The following SGCD variants were observed in gnomAD, a reference collection of about 807,000 sequenced individuals.
SGCD encodes sarcoglycan delta.
In SGCD, 18 loss-of-function variants were observed where a neutral mutation model predicts 36.6. The ratio of observed to expected loss-of-function variants is 0.49; its 90% confidence interval spans 0.34 to 0.73. The LOEUF is 0.73. Among genes scored for constraint, SGCD ranks in the 30% least tolerant of loss-of-function variants. SGCD has a pLI of 0.01. For synonymous variants in SGCD, 133 were observed against 130.6 expected (o/e 1.02, Z -0.12); for missense variants, 387 against 346.7 (o/e 1.12, Z -0.92).
intron 3 of SGCD, among the ~76,000 whole-genome samples, chr5:156,391,517 A>G (rs6884659): frequency 0.76 from 116,334 of 152,256 alleles, 45,290 homozygotes; most frequent in African/African-American, 0.92. Flanking sequence ...TACTGAACAC[A>G]TACAGACTTT....
chr5:156,573,154 TA>T (rs956211754), intron 4 of SGCD, among the ~76,000 whole-genome samples: 4 of 152,080 alleles, frequency 2.6e-5, no homozygotes, highest in Non-Finnish European at 4.4e-5. Context: ...CTTTTCCCAA[TA>T]AAAAAATTGG....
rs1554107842 is a variant in SGCD, at chr5:156,487,813, A to AAAAAAAG, written c.193-20785_193-20784insAAAGAAA. 1.0e-3 allele frequency among the ~76,000 whole-genome samples: 81 copies of AAAAAAAG among 77,768 alleles called. 6 individuals are homozygous for AAAAAAAG. The East Asian group carries it at 0.011, about 11-fold the overall frequency. The allele number at this position is 77,768 out of a possible 152,430, so 51.0% of individuals were successfully genotyped here. A position where few individuals can be genotyped will look rare whatever the true frequency, so the allele number is the denominator to read the frequency against. ...CAAAAAAAAAAAAAAAAAAAAAAAA[A>AAAAAAAG]AAAGAAAGAAAGAAAAAGCTTAACA... On this transcript the variant is annotated intron_variant, in intron 3 of 8. Coordinates refer to ENST00000337851, the MANE Select transcript of SGCD (RefSeq NM_000337.6).
chr5:156,577,508 G>C (rs994241297), intron 4 of SGCD, among the ~76,000 whole-genome samples: 42 of 152,196 alleles, frequency 2.8e-4, no homozygotes, highest in African/African-American at 7.2e-4. Context: ...ACCTTGGGCA[G>C]TATGGCCATT....
At chr5:156,184,340 T>G (rs1581153667) in intron 3 of SGCD, among the ~76,000 whole-genome samples, 3 of 150,092 alleles carry the variant, frequency 2.0e-5, no homozygotes, top group Non-Finnish European at 3.0e-5. Context: ...TCCTGTGAAG[T>G]GGGGATATGA....
At chr5:156,667,686 C>T (rs1232409537) in intron 7 of SGCD, among the ~76,000 whole-genome samples, 3 of 152,284 alleles carry the variant, frequency 2.0e-5, no homozygotes, top group South Asian at 2.1e-4. Context: ...AATGCCTATC[C>T]GCTTTGTGAA....
rs550791409 is a variant in SGCD, at chr5:156,345,862, C to T, written c.192+1185C>T. 2.6e-5 allele frequency among the ~76,000 whole-genome samples: 4 copies of T among 152,128 alleles called. No homozygotes were observed. The South Asian group carries it at 8.3e-4, about 32-fold the overall frequency. On this transcript the variant is annotated intron_variant, in intron 3 of 8. Transcript: ENST00000337851. Reference sequence around the variant, plus strand: ...AAAGTTCATTTTTATCCTTGACATCCTATGCATAGTCACACTTTCTTGCCT... The same window carrying T: ...AAAGTTCATTTTTATCCTTGACATCTTATGCATAGTCACACTTTCTTGCCT...
intron 1 of SGCD, among the ~76,000 whole-genome samples, chr5:155,996,841 T>C (rs1758556559): frequency 6.9e-6 from 1 of 145,796 alleles, no homozygotes; most frequent in South Asian, 2.2e-4. Context: ...TGCCAAATGG[T>C]AAATCTGATA....
intron 3 of SGCD, among the ~76,000 whole-genome samples, chr5:156,451,104 C>A (rs996646753): frequency 6.6e-6 from 1 of 151,112 alleles, no homozygotes; most frequent in African/African-American, 2.4e-5. Flanking sequence ...CTTCCCTTCC[C>A]TCTTTCACCA....
intron 1 of SGCD, among the ~76,000 whole-genome samples, chr5:156,007,886 G>A (rs894436493): frequency 1.3e-5 from 2 of 152,176 alleles, no homozygotes; most frequent in African/African-American, 4.8e-5. Flanking sequence ...TAAAGGCCAG[G>A]CTTTGGGAAG....
chr5:156,642,756 T>C (rs1036491646), intron 6 of SGCD, among the ~76,000 whole-genome samples: 2 of 151,350 alleles, frequency 1.3e-5, no homozygotes, highest in Admixed American at 6.6e-5. Flanking sequence ...TGTGAGCCAC[T>C]GCGCCTGGCC....
chr5:155,828,022 AAGAAAG>A, the SGCD span, among the ~76,000 whole-genome samples: 2 of 152,062 alleles, frequency 1.3e-5, no homozygotes, highest in African/African-American at 4.8e-5. Flanking sequence ...TTCTGTTACT[AAGAAAG>A]AGAGATGGGG....
At chr5:156,531,738 C>T (rs969166497) in intron 4 of SGCD, among the ~76,000 whole-genome samples, 30 of 152,180 alleles carry the variant, frequency 2.0e-4, no homozygotes, top group African/African-American at 6.0e-4. Flanking sequence ...TATGCATAGC[C>T]TTATGCATAA....
In SGCD at chr5:156,043,987, A is replaced by G. The variant is rs981074165; in HGVS notation, c.-281-73891A>G. 3.9e-5 allele frequency among the ~76,000 whole-genome samples: 6 copies of G among 152,194 alleles called. No homozygotes were observed. In the East Asian group the frequency reaches 5.8e-4, roughly 15 times the overall value. On this transcript the variant is annotated intron_variant, in intron 1 of 9. Coordinates refer to the SGCD transcript ENST00000517913. ...AGACTCTACCATACAGCATCCTACA[A>G]TCTTCTAGGGGGAGAATTAAACATG... is the stretch of plus-strand genomic sequence containing the variant.
chr5:155,912,434 G>T (rs1249691915), intron 1 of SGCD, among the ~76,000 whole-genome samples: 1 of 152,108 alleles, frequency 6.6e-6, no homozygotes, highest in African/African-American at 2.4e-5. Flanking sequence ...AATGATTTGT[G>T]CTTCCTATTG....
intron 3 of SGCD, chr5:156,458,561 G>A: frequency 1.8e-6 from 2 of 1,139,922 alleles, no homozygotes; most frequent in Non-Finnish European, 1.3e-6. Flanking sequence ...AACCGCATAT[G>A]TCAAAATTCA....
chr5:156,630,960 AG>A (rs1762609937), intron 6 of SGCD, among the ~76,000 whole-genome samples: 1 of 152,210 alleles, frequency 6.6e-6, no homozygotes. Flanking sequence ...AAACAAAAGG[AG>A]GGCTAAATAA....
the SGCD span, among the ~76,000 whole-genome samples, chr5:155,813,067 A>G: frequency 6.6e-6 from 1 of 151,952 alleles, no homozygotes; most frequent in Non-Finnish European, 1.5e-5. Flanking sequence ...AAGGAAGGAA[A>G]AAGGAATACA....
the SGCD span, among the ~76,000 whole-genome samples, chr5:155,767,929 G>C: frequency 6.6e-6 from 1 of 152,244 alleles, no homozygotes; most frequent in Non-Finnish European, 1.5e-5. Flanking sequence ...AATAATGTCT[G>C]AAATCATGGG....
At chr5:156,650,962 T>TTATA (rs1561838203) in intron 7 of SGCD, among the ~76,000 whole-genome samples, 1 of 152,164 alleles carries the variant, frequency 6.6e-6, no homozygotes, top group African/African-American at 2.4e-5. Context: ...GTTCCTTTAC[T>TTATA]CCACAGTCTC....
Sources: gnomAD v4.1 joint callset for allele counts (sites outside exome capture counted in the v4.1 genomes callset) on GRCh38, gnomAD v4.1.1 for gene constraint, MANE v1.5 for transcripts, NCBI Gene and HGNC (gene_info 2026-07-23, HGNC 2026-07-21) for gene names.